Variants in PDE4D observed in about 807,000 individuals in gnomAD.
The protein encoded by PDE4D is 3',5'-cyclic-AMP phosphodiesterase 4D.
PDE4D carries 24 observed loss-of-function variants against 87.4 expected under a neutral mutation model. The observed-to-expected ratio is 0.27, with a 90% CI of 0.20 to 0.39. The LOEUF (loss-of-function observed/expected upper bound fraction) is 0.39. Among genes scored for constraint, PDE4D ranks in the 10% least tolerant of loss-of-function variants. The probability of loss-of-function intolerance (pLI) is 1.00; values close to 1 mark genes in which losing one functional copy is unlikely to be tolerated. For missense variants in PDE4D, 714 were observed against 1,041.0 expected, an observed-to-expected ratio of 0.69 and a Z score of 4.32; for synonymous variants, 384 against 383.2, an observed-to-expected ratio of 1.00 and a Z score of -0.02.
chr5:59,475,558 G>T lies in PDE4D; in HGVS notation c.456-259590C>A, dbSNP rs143041096. Among the ~76,000 whole-genome samples the T allele has an allele frequency of 2.2e-4, 34 of 152,112 alleles. 1 individual carries two copies. The East Asian group carries it at 6.4e-3, about 29-fold the overall frequency. On this transcript the variant is annotated intron_variant, in intron 1 of 14. Transcript: ENST00000340635. ...GAACCATAACTTGAATTCTAACCAAGAAATTAATCAGAGTTAACTTTAAGA... is the reference window on the plus strand; with the variant it reads ...GAACCATAACTTGAATTCTAACCAATAAATTAATCAGAGTTAACTTTAAGA...
chr5:60,159,051 T>C (rs1037149912), intron 2 of PDE4D, among the ~76,000 whole-genome samples: 2 of 152,236 alleles, frequency 1.3e-5, no homozygotes, highest in African/African-American at 4.8e-5. Flanking sequence ...TTTATATCCT[T>C]ATTCTGTAAG....
At chr5:60,361,665 C>G (rs1477813377) in intron 1 of PDE4D, among the ~76,000 whole-genome samples, 1 of 152,106 alleles carries the variant, frequency 6.6e-6, no homozygotes, top group East Asian at 1.9e-4. Context: ...CTTATTTAAC[C>G]ACCTGGGGTA....
At chr5:60,268,760 T>C (rs904073035) in intron 1 of PDE4D, among the ~76,000 whole-genome samples, 7 of 152,226 alleles carry the variant, frequency 4.6e-5, no homozygotes, top group African/African-American at 1.7e-4. Context: ...GGGCAGATGT[T>C]CATTTTTCTG....
intron 2 of PDE4D, among the ~76,000 whole-genome samples, chr5:59,200,146 CGTATATGTATATATAAGTAT>C (rs1561689343): frequency 4.0e-5 from 6 of 149,502 alleles, no homozygotes; most frequent in African/African-American, 1.5e-4. Flanking sequence ...TGTATGTACA[CGTATATGTATATATAAGTAT>C]ACACGTGTAT....
Position 59,935,193 on chromosome 5 carries a change from G to C in PDE4D, c.272+53295C>G, listed in dbSNP as rs375004360. On this transcript the variant is annotated intron_variant, in intron 3 of 16. Coordinates refer to the PDE4D transcript ENST00000502484. ...AGACACTGATGCAGAAGTGTATAGA[G>C]AGCTGAATTTAATGTTTGAATATGT... 2.0e-5 allele frequency among the ~76,000 whole-genome samples: 3 copies of C among 152,196 alleles called. No homozygotes were observed. In the East Asian group the frequency reaches 5.8e-4, roughly 29 times the overall value.
chr5:59,836,826 G>A (rs181765036), intron 1 of PDE4D, among the ~76,000 whole-genome samples: 53 of 152,030 alleles, frequency 3.5e-4, no homozygotes, highest in African/African-American at 1.1e-3. Context: ...GTTTTGTGTC[G>A]ATATGGGGAA....
chr5:59,642,622 C>T (rs1741789594), intron 1 of PDE4D, among the ~76,000 whole-genome samples: 1 of 152,118 alleles, frequency 6.6e-6, no homozygotes, highest in South Asian at 2.1e-4. Context: ...CTTTCACCTC[C>T]CACCATGATT....
Position 59,122,793 on chromosome 5 carries a change from AT to A in PDE4D, c.808+57801del, listed in dbSNP as rs530220348. Among the ~76,000 whole-genome samples the A allele has an allele frequency of 4.6e-5, 7 of 152,324 alleles. No homozygotes were observed. The East Asian group carries it at 9.6e-4, about 21-fold the overall frequency. Reference sequence around the variant, plus strand: ...CCACCACCTCTATCTAGTTCCAAACATTTTCAACATTCCAAAGTAAAACCCC... The same window carrying A: ...CCACCACCTCTATCTAGTTCCAAACATTTCAACATTCCAAAGTAAAACCCC... On this transcript the variant is annotated intron_variant, in intron 5 of 14. Transcript: ENST00000340635.
intron 1 of PDE4D, among the ~76,000 whole-genome samples, chr5:59,610,093 T>A (rs999079777): frequency 1.4e-4 from 22 of 152,158 alleles, no homozygotes; most frequent in African/African-American, 5.1e-4. Flanking sequence ...CTGGTTGGTG[T>A]CTGCCGTTAG....
chr5:59,618,698 G>C (rs1829999799), intron 1 of PDE4D, among the ~76,000 whole-genome samples: 1 of 152,080 alleles, frequency 6.6e-6, no homozygotes, highest in South Asian at 2.1e-4. Context: ...GATGATGGTG[G>C]CTGCTATGGT....
chr5:59,383,900 T>G (rs1786416915), intron 1 of PDE4D, among the ~76,000 whole-genome samples: 1 of 152,164 alleles, frequency 6.6e-6, no homozygotes, highest in Non-Finnish European at 1.5e-5. Flanking sequence ...TTTTTGTATT[T>G]GTTTTGAGAT....
At chr5:60,414,524 C>A (rs982198124) in intron 1 of PDE4D, among the ~76,000 whole-genome samples, 5 of 152,158 alleles carry the variant, frequency 3.3e-5, no homozygotes, top group African/African-American at 1.2e-4. Flanking sequence ...TTCTCCCTGG[C>A]ATCATTCCAA....
At chr5:59,281,444 C>CA (rs976054061) in intron 1 of PDE4D, among the ~76,000 whole-genome samples, 1 of 152,122 alleles carries the variant, frequency 6.6e-6, no homozygotes, top group African/African-American at 2.4e-5. Context: ...TACTTTAAAA[C>CA]AATTTTCTAT....
chr5:60,401,381 A>G (rs1317651507), intron 1 of PDE4D, among the ~76,000 whole-genome samples: 1 of 152,208 alleles, frequency 6.6e-6, no homozygotes, highest in African/African-American at 2.4e-5. Context: ...AAATGATGAT[A>G]AAAAGAAAAG....
chr5:60,475,823 G>GAA (rs397792795), intron 1 of PDE4D, among the ~76,000 whole-genome samples: 3,638 of 94,964 alleles, frequency 0.038, 212 homozygotes, highest in African/African-American at 0.11. Flanking sequence ...TCTGTTAAAT[G>GAA]AAAAAAAAAA....
chr5:60,333,543 G>A (rs4460096), intron 1 of PDE4D, among the ~76,000 whole-genome samples: 1 of 152,106 alleles, frequency 6.6e-6, no homozygotes, highest in Admixed American at 6.6e-5. Flanking sequence ...GGCTCAGAAG[G>A]TTCCAAATAT....
At chr5:59,792,126 C>A (rs976692193) in intron 1 of PDE4D, among the ~76,000 whole-genome samples, 9 of 152,064 alleles carry the variant, frequency 5.9e-5, no homozygotes, top group African/African-American at 1.9e-4. Context: ...GAGATAAATC[C>A]ATGAGTAGTA....
intron 1 of PDE4D, among the ~76,000 whole-genome samples, chr5:60,272,914 A>C (rs549393827): frequency 2.0e-5 from 3 of 152,316 alleles, no homozygotes; most frequent in African/African-American, 7.2e-5. Context: ...GCCACTATCT[A>C]TAATGTGATT....
intron 5 of PDE4D, among the ~76,000 whole-genome samples, chr5:59,167,898 C>A (rs1782147333): frequency 6.6e-6 from 1 of 151,978 alleles, no homozygotes; most frequent in Admixed American, 6.6e-5. Flanking sequence ...AAAGCAAAGC[C>A]AGGAAGAGGC....
Sources: allele counts gnomAD v4.1 joint callset (sites outside exome capture counted in the v4.1 genomes callset), GRCh38; gene constraint gnomAD v4.1.1; transcripts MANE v1.5; gene names NCBI Gene and HGNC (gene_info 2026-07-23, HGNC 2026-07-21).